Variants in CDC73 observed in about 807,000 individuals in gnomAD.
CDC73 encodes parafibromin.
CDC73 carries 21 observed loss-of-function variants against 83.7 expected under a neutral mutation model. The ratio of observed to expected loss-of-function variants is 0.25; its 90% CI spans 0.18 to 0.36. The LOEUF (loss-of-function observed/expected upper bound fraction) is 0.36. CDC73 is among the 10% of genes least tolerant of loss of function. The pLI, the probability that CDC73 is intolerant of heterozygous loss-of-function variation, is 1.00. For missense variants in CDC73, 342 were observed against 653.3 expected, an observed-to-expected ratio of 0.52 and a Z score of 5.19; for synonymous variants, 224 against 212.9, an observed-to-expected ratio of 1.05 and a Z score of -0.45.
At chr1:193,213,463 T>A (rs1677310698) in intron 13 of CDC73, among the ~76,000 whole-genome samples, 1 of 152,138 alleles carries the variant, frequency 6.6e-6, no homozygotes, top group Admixed American at 6.5e-5. Context: ...TTAAGATAGT[T>A]CCTTCTGTCA....
At chr1:193,236,897 AAATT>A (rs1677768744) in intron 15 of CDC73, 1 of 153,594 alleles carries the variant, frequency 6.5e-6, no homozygotes, top group East Asian at 1.9e-4. Flanking sequence ...TAGGAAAAAA[AAATT>A]AATACTGTTG....
chr1:193,135,337 T>C lies in CDC73; in HGVS notation c.308-54T>C, dbSNP rs999173509. On this transcript the variant is annotated intron_variant, in intron 3 of 16. Coordinates refer to ENST00000367435, the MANE Select transcript of CDC73 (RefSeq NM_024529.5). ...CTAAAGCATTTCACTTGTAATAATATCCAATATATATGTTGAAATAGTAAT... is the reference window on the plus strand; with the variant it reads ...CTAAAGCATTTCACTTGTAATAATACCCAATATATATGTTGAAATAGTAAT... The C allele has an allele frequency of 2.4e-5, 32 of 1,341,394 alleles. No individual in the cohort carries two copies. The African/African-American group carries it at 3.7e-4, about 16-fold the overall frequency. 83.1% of individuals were successfully genotyped at this position (1,341,394 alleles called of 1,614,324 possible). A position where few individuals can be genotyped will look rare whatever the true frequency, so the allele number is the denominator to read the frequency against.
At chr1:193,166,848 G>C (rs1289562647) in intron 10 of CDC73, among the ~76,000 whole-genome samples, 1 of 151,998 alleles carries the variant, frequency 6.6e-6, no homozygotes, top group East Asian at 1.9e-4. Context: ...GTTTCTCCGT[G>C]TTGGTCAGGC....
chr1:193,146,452 G>C (rs1676002101), intron 7 of CDC73, among the ~76,000 whole-genome samples: 1 of 151,478 alleles, frequency 6.6e-6, no homozygotes, highest in African/African-American at 2.4e-5. Flanking sequence ...ATCTGGTGAG[G>C]GTCATTTCAT....
intron 10 of CDC73, among the ~76,000 whole-genome samples, chr1:193,159,794 G>A (rs2103139307): frequency 6.6e-6 from 1 of 152,000 alleles, no homozygotes; most frequent in African/African-American, 2.4e-5. Flanking sequence ...TTCTCTAATT[G>A]GCTAGTATTT....
chr1:193,178,051 G>A (rs1039790912), intron 10 of CDC73, among the ~76,000 whole-genome samples: 2 of 152,052 alleles, frequency 1.3e-5, no homozygotes, highest in African/African-American at 4.8e-5. Context: ...ACATAGTGTC[G>A]GGATGAAGAA....
intron 10 of CDC73, among the ~76,000 whole-genome samples, chr1:193,193,842 G>A (rs1244438788): frequency 6.7e-6 from 1 of 149,416 alleles, no homozygotes; most frequent in Non-Finnish European, 1.5e-5. Context: ...GTGGGGCAGT[G>A]ATGGGTTTCA....
intron 10 of CDC73, among the ~76,000 whole-genome samples, chr1:193,201,177 C>G (rs1028336233): frequency 2.0e-5 from 3 of 151,972 alleles, no homozygotes; most frequent in Non-Finnish European, 4.4e-5. Flanking sequence ...CTTGAGAAGA[C>G]AAAATTAGGT....
intron 13 of CDC73, among the ~76,000 whole-genome samples, chr1:193,224,573 A>G (rs879796123): frequency 6.6e-6 from 1 of 152,188 alleles, no homozygotes; most frequent in Non-Finnish European, 1.5e-5. Context: ...ATTCACATAT[A>G]CACATATATG....
intron 13 of CDC73, among the ~76,000 whole-genome samples, chr1:193,214,783 A>G (rs906228366): frequency 1.3e-5 from 2 of 152,224 alleles, no homozygotes; most frequent in South Asian, 2.1e-4. Context: ...CAGTTGGGAT[A>G]CACTTGACAT....
intron 13 of CDC73, among the ~76,000 whole-genome samples, chr1:193,217,788 G>T (rs1393966544): frequency 6.6e-6 from 1 of 152,086 alleles, no homozygotes; most frequent in Non-Finnish European, 1.5e-5. Flanking sequence ...TGAGGGTGGA[G>T]CCCTAGCCAG....
chr1:193,203,473 C>A (rs901487990), intron 10 of CDC73, among the ~76,000 whole-genome samples: 1 of 152,114 alleles, frequency 6.6e-6, no homozygotes, highest in Non-Finnish European at 1.5e-5. Context: ...AGTGACATTT[C>A]TGAGAATATT....
chr1:193,184,074 A>G (rs1676765632), intron 10 of CDC73, among the ~76,000 whole-genome samples: 1 of 151,888 alleles, frequency 6.6e-6, no homozygotes, highest in Admixed American at 6.6e-5. Flanking sequence ...GCATAAATAC[A>G]TAGTTTTGGT....
intron 10 of CDC73, chr1:193,180,394 A>T (rs771994505): frequency 6.2e-7 from 1 of 1,613,818 alleles, no homozygotes; most frequent in Non-Finnish European, 8.5e-7. Flanking sequence ...GTATTTTATC[A>T]GTTCACTAGG....
rs1469812481 is a variant in CDC73 at position 193,208,022 on chromosome 1, CTAAT to C, written c.1031-4039_1031-4036del. 2.6e-5 allele frequency among the ~76,000 whole-genome samples: 4 copies of C among 152,280 alleles called. No individual in the cohort carries two copies. The South Asian group carries it at 8.3e-4, about 32-fold the overall frequency. ...TGGATTTGCCGTAGGCATTTTAAAA[CTAAT>C]TAAGATAAATTTTTCCCTGCTATTT... On this transcript the variant is annotated intron_variant, in intron 11 of 16. Coordinates refer to ENST00000367435, the MANE Select transcript of CDC73 (RefSeq NM_024529.5).
intron 10 of CDC73, among the ~76,000 whole-genome samples, chr1:193,185,291 T>C (rs1169548311): frequency 6.6e-6 from 1 of 152,122 alleles, no homozygotes; most frequent in Non-Finnish European, 1.5e-5. Flanking sequence ...AGTTAATTTT[T>C]AAAGCCACTA....
chr1:193,179,929 C>G (rs944321292), intron 10 of CDC73: 3 of 156,620 alleles, frequency 1.9e-5, no homozygotes, highest in African/African-American at 7.2e-5. Flanking sequence ...AAAGCTTAAT[C>G]TAAAATGAAG....
chr1:193,150,193 C>T (rs1676081050), intron 8 of CDC73, 111 bp from the exon 9 acceptor site: 1 of 751,872 alleles, frequency 1.3e-6, no homozygotes, highest in South Asian at 1.5e-5. Context: ...ATCACTTGGG[C>T]CCAGGAGGTC....
At chr1:193,137,933 G>A (rs1675828982) in intron 5 of CDC73, 152 bp from the exon 6 acceptor site, 6 of 659,012 alleles carry the variant, frequency 9.1e-6, no homozygotes, top group South Asian at 1.7e-5. Flanking sequence ...TTATCTTTAC[G>A]TAGCCAAAAG....
Sources: gnomAD v4.1 joint callset for allele counts (sites outside exome capture counted in the v4.1 genomes callset) on GRCh38, gnomAD v4.1.1 for gene constraint, MANE v1.5 for transcripts, NCBI Gene and HGNC (gene_info 2026-07-23, HGNC 2026-07-21) for gene names.